Variants in ZC3H3 observed in about 807,000 individuals in gnomAD.
ZC3H3 encodes zinc finger CCCH domain-containing protein 3.
A neutral mutation model predicts 77.3 loss-of-function variants in ZC3H3; 36 were observed. The observed-to-expected ratio is 0.47, with a 90% CI of 0.36 to 0.61. The LOEUF (loss-of-function observed/expected upper bound fraction) is 0.61. Ranked by LOEUF, ZC3H3 falls within the 20% of genes least tolerant of loss-of-function variation. The probability of loss-of-function intolerance (pLI) is 0.00; values close to 1 mark genes in which losing one functional copy is unlikely to be tolerated. For missense variants in ZC3H3, 1,331 were observed against 1,312.2 expected (o/e 1.01, Z -0.22); for synonymous variants, 626 against 555.2 (o/e 1.13, Z -1.79).
intron 3 of ZC3H3, among the ~76,000 whole-genome samples, chr8:143,523,962 C>T (rs1300924459): frequency 6.6e-6 from 1 of 152,232 alleles, no homozygotes; most frequent in African/African-American, 2.4e-5. Flanking sequence ...CCAGCCAAGC[C>T]CCCGGGGCAG....
Position 143,507,877 on chromosome 8 carries a change from C to T in ZC3H3, c.1584G>A (p.Arg528=). Residue 528 remains arginine, a synonymous_variant, in exon 4 of 12, where the codon CGG becomes CGA. Coordinates refer to ENST00000262577, the MANE Select transcript of ZC3H3 (RefSeq NM_015117.3). ...TGATCACCTTGCTGGTGGGTGCAGT[C>T]CGCACGGCATGCAGGCTGGACGCTG... ...TKEASSLHAV[R]TAPTSKVIKT... 1 of 1,604,246 alleles carries T rather than the reference C, an allele frequency of 6.2e-7. No individual in the cohort carries two copies. The highest frequency in any genetic ancestry group is 1.1e-5 in the South Asian group (1 of 90,338).
intron 3 of ZC3H3, among the ~76,000 whole-genome samples, chr8:143,512,496 C>T (rs1821901258): frequency 6.6e-6 from 1 of 152,242 alleles, no homozygotes. Flanking sequence ...TCTCTGGCCC[C>T]GGTGCCCTGA....
chr8:143,441,521 G>A (rs116120814), intron 9 of ZC3H3, among the ~76,000 whole-genome samples: 2,111 of 152,278 alleles, frequency 0.014, 42 homozygotes, highest in African/African-American at 0.047. Context: ...AGACCTGGGG[G>A]TCTTAGGCTG....
At chr8:143,470,289 G>T (rs1309620958) in intron 5 of ZC3H3, among the ~76,000 whole-genome samples, 1 of 152,244 alleles carries the variant, frequency 6.6e-6, no homozygotes, top group Non-Finnish European at 1.5e-5. Context: ...CAGCGAGCCC[G>T]GCTGGGGCAG....
At chr8:143,516,556 CACACACACACAT>C (rs771660260) in intron 3 of ZC3H3, among the ~76,000 whole-genome samples, 5,962 of 111,218 alleles carry the variant, frequency 0.054, 113 homozygotes, top group African/African-American at 0.06. Flanking sequence ...CACACACACA[CACACACACACAT>C]ACACACACAC....
At chr8:143,455,468 T>G (rs1039712903) in intron 9 of ZC3H3, among the ~76,000 whole-genome samples, 1 of 152,208 alleles carries the variant, frequency 6.6e-6, no homozygotes, top group Non-Finnish European at 1.5e-5. Context: ...TGCACTGCAC[T>G]CCAGCCTGGG....
chr8:143,539,294 G>A lies in ZC3H3; in HGVS notation c.73C>T (p.His25Tyr). ...GTACCAGGGGCCGGGGCATTGCCGT[G>A]GAGGGTTTTGTAGTCATCAATCAGA... Reference protein sequence around the residue: ...QGLIDDYKTLHGNAPAPGTPA... With the variant: ...QGLIDDYKTLYGNAPAPGTPA... The change falls in exon 2 of 12, where the codon CAC becomes TAC. Residue 25 changes from histidine (H) to tyrosine (Y), a missense_variant. Physicochemically the swap from His to Tyr is moderately conservative, Grantham distance 83. Transcript: ENST00000262577. 1 of 1,611,626 alleles carries A rather than the reference G, an allele frequency of 6.2e-7. No homozygotes were observed. Among genetic ancestry groups the A allele is most frequent in the Non-Finnish European group, 8.5e-7 (1 of 1,179,582 alleles).
At chr8:143,457,276 G>C (rs1224999364) in intron 9 of ZC3H3, among the ~76,000 whole-genome samples, 3 of 152,044 alleles carry the variant, frequency 2.0e-5, no homozygotes, top group African/African-American at 7.2e-5. Flanking sequence ...ATGAAAGAAA[G>C]GTAACAGGAA....
At chr8:143,536,479 C>T (rs539681705) in intron 2 of ZC3H3, 26 bp from the exon 3 acceptor site, 2 of 1,471,040 alleles carry the variant, frequency 1.4e-6, no homozygotes, top group East Asian at 2.5e-5. Flanking sequence ...ACAGGCAGCT[C>T]TCAACAAGCC....
intron 5 of ZC3H3, among the ~76,000 whole-genome samples, chr8:143,472,883 GC>G (rs1310122764): frequency 6.6e-6 from 1 of 152,220 alleles, no homozygotes; most frequent in Non-Finnish European, 1.5e-5. Context: ...GTGGGATGCA[GC>G]TGCTGCAGTG....
At chr8:143,492,025 G>T (rs1415215913) in intron 4 of ZC3H3, among the ~76,000 whole-genome samples, 1 of 152,202 alleles carries the variant, frequency 6.6e-6, no homozygotes, top group Non-Finnish European at 1.5e-5. Flanking sequence ...GGGGAGGAGG[G>T]CAGAGAAGGA....
At chr8:143,513,391 TCTC>T (rs954826480) in intron 3 of ZC3H3, among the ~76,000 whole-genome samples, 3 of 152,012 alleles carry the variant, frequency 2.0e-5, no homozygotes, top group African/African-American at 7.2e-5. Context: ...AGAGTCCCCA[TCTC>T]CTCTCCTGCA....
chr8:143,536,394 C>G lies in ZC3H3; in HGVS notation c.1424G>C (p.Ser475Thr), dbSNP rs767811219. Residue 475 changes from serine (S) to threonine (T), a missense_variant, in exon 3 of 12, where the codon AGC becomes ACC. Ser to Thr is a moderately conservative substitution (Grantham distance 58, BLOSUM62 1). This residue lies in a region of ZC3H3 where 978 missense variants were observed against 915.5 expected (regional missense o/e 1.07). Coordinates refer to ENST00000262577, the MANE Select transcript of ZC3H3 (RefSeq NM_015117.3). ...SPAATAKSHL[S>T]LRRRQALRGK... ...CCTGAGGGCCTGTCTCCGCCGGAGGCTGAGGTGGCTCTTGGCGGTGGCGGC... is the reference window on the plus strand; with the variant it reads ...CCTGAGGGCCTGTCTCCGCCGGAGGGTGAGGTGGCTCTTGGCGGTGGCGGC... The G allele has an allele frequency of 2.5e-6, 4 of 1,576,472 alleles. No homozygotes were observed. In the East Asian group the frequency reaches 9.3e-5, roughly 36 times the overall value.
Position 143,530,518 on chromosome 8 carries a change from C to T in ZC3H3, c.1561+5739G>A, listed in dbSNP as rs774970676. Among the ~76,000 whole-genome samples the T allele has an allele frequency of 1.4e-4, 22 of 152,148 alleles. No individual in the cohort carries two copies. Among genetic ancestry groups the T allele is most frequent in the Non-Finnish European group, 2.2e-4 (15 of 68,008 alleles). ...ACCAAGAAGCTCCCCAGCCTGGGCA[C>T]AGGGTGGTGGGTGGGAGAGCTGGCC... is the stretch of plus-strand genomic sequence containing the variant. On this transcript the variant is annotated intron_variant, in intron 3 of 11. Coordinates refer to ENST00000262577, the MANE Select transcript of ZC3H3 (RefSeq NM_015117.3). This position sits in a 1 kb window ranked among gnomAD's most constrained non-coding sequence, Gnocchi z 4.3.
intron 3 of ZC3H3, among the ~76,000 whole-genome samples, chr8:143,525,849 G>T (rs1272718229): frequency 3.0e-4 from 45 of 152,250 alleles, no homozygotes; most frequent in Non-Finnish European, 2.9e-5. Context: ...CCATGGAGGC[G>T]GGCAGTGCCT....
chr8:143,500,487 G>A (rs955969901), intron 4 of ZC3H3, among the ~76,000 whole-genome samples: 2 of 152,362 alleles, frequency 1.3e-5, no homozygotes, highest in South Asian at 2.1e-4. Context: ...GCTCTCACCA[G>A]ATGCAGAGCA....
chr8:143,503,614 C>T (rs1324391167), intron 4 of ZC3H3, among the ~76,000 whole-genome samples: 6 of 145,804 alleles, frequency 4.1e-5, no homozygotes, highest in Admixed American at 6.8e-5. Context: ...AGCACCCAGC[C>T]GGCTCCACCA....
intron 3 of ZC3H3, among the ~76,000 whole-genome samples, chr8:143,513,216 A>G (rs1352711383): frequency 6.6e-6 from 1 of 152,160 alleles, no homozygotes; most frequent in East Asian, 1.9e-4. Flanking sequence ...GCACCTGCCA[A>G]GCGCAGGCCC....
At chr8:143,479,302 A>C (rs931684561) in intron 4 of ZC3H3, among the ~76,000 whole-genome samples, 4 of 152,164 alleles carry the variant, frequency 2.6e-5, no homozygotes, top group African/African-American at 4.8e-5. Context: ...TGGGTGTCAC[A>C]GCACTCCAGT....
Sources: allele counts gnomAD v4.1 joint callset (sites outside exome capture counted in the v4.1 genomes callset), GRCh38; gene constraint gnomAD v4.1.1; regional missense constraint gnomAD v4.1.1; non-coding constraint Gnocchi (gnomAD v3.1); transcripts MANE v1.5; gene names NCBI Gene and HGNC (gene_info 2026-07-23, HGNC 2026-07-21).